The following CSMD3 variants were observed in gnomAD, a reference collection of about 807,000 sequenced individuals.
CSMD3 encodes CUB and Sushi multiple domains 3.
A neutral mutation model predicts 435.2 loss-of-function variants in CSMD3; 177 were observed. That is an observed-to-expected ratio of 0.41 (90% CI 0.36 to 0.46). The LOEUF (loss-of-function observed/expected upper bound fraction) is 0.46, where lower values mean the gene tolerates loss of function less well. Ranked by LOEUF, CSMD3 falls within the 20% of genes least tolerant of loss-of-function variation. The probability of loss-of-function intolerance (pLI) is 0.34; values close to 1 mark genes in which losing one functional copy is unlikely to be tolerated. For synonymous variants in CSMD3, 1,656 were observed against 1,520.5 expected (o/e 1.09, Z -2.07); for missense variants, 4,265 against 4,504.6 (o/e 0.95, Z 1.52).
At chr8:113,007,293 C>T (rs975778982) in intron 6 of CSMD3, among the ~76,000 whole-genome samples, 2 of 151,894 alleles carry the variant, frequency 1.3e-5, no homozygotes, top group African/African-American at 4.8e-5. Context: ...GAATATCTGA[C>T]TCTCAGTGCT....
intron 3 of CSMD3, among the ~76,000 whole-genome samples, chr8:113,269,708 G>A (rs1324116381): frequency 6.6e-6 from 1 of 151,950 alleles, no homozygotes; most frequent in Non-Finnish European, 1.5e-5. Flanking sequence ...AAGAAGAAAT[G>A]GGGAAAGGAT....
chr8:112,259,559 T>G (rs1484102390), intron 61 of CSMD3, among the ~76,000 whole-genome samples: 1 of 152,090 alleles, frequency 6.6e-6, no homozygotes, highest in Non-Finnish European at 1.5e-5. Flanking sequence ...CTGCACGTTC[T>G]TCACCTGTAC....
chr8:112,795,398 G>A (rs2078803996), intron 13 of CSMD3, among the ~76,000 whole-genome samples: 2 of 152,118 alleles, frequency 1.3e-5, no homozygotes, highest in Non-Finnish European at 2.9e-5. Flanking sequence ...AAAAATGTTT[G>A]ACTAGAAGTT....
chr8:112,310,198 A>G (rs888496688), intron 50 of CSMD3: 5 of 152,254 alleles, frequency 3.3e-5, no homozygotes, highest in African/African-American at 9.7e-5. Flanking sequence ...ACTATTTAAA[A>G]CAAGTCTTTT....
chr8:113,360,636 A>G (rs867296602), intron 1 of CSMD3, among the ~76,000 whole-genome samples: 6 of 137,818 alleles, frequency 4.4e-5, no homozygotes, highest in Non-Finnish European at 9.1e-5. Flanking sequence ...TGCAGTGGCG[A>G]GATCTCGGCT....
At position 112,336,876 on chromosome 8, in the gene CSMD3, AACTG is replaced by A. The variant is rs1296605868; in HGVS notation, c.6842-51_6842-48del. On this transcript the variant is annotated intron_variant, in intron 43 of 70. Coordinates refer to ENST00000297405, the MANE Select transcript of CSMD3 (RefSeq NM_198123.2). ...AAAATAATATTTTAAAATAACAATA[AACTG>A]ACTGTGGAGAAAAAGGCAAACATTT... 11 of 1,487,470 alleles carry A rather than the reference AACTG, an allele frequency of 7.4e-6. No homozygotes were observed. The African/African-American group carries it at 1.1e-4, about 15-fold the overall frequency. The allele number at this position is 1,487,470 out of a possible 1,614,324, so 92.1% of individuals were successfully genotyped here. A position where few individuals can be genotyped will look rare whatever the true frequency, so the allele number is the denominator to read the frequency against.
intron 1 of CSMD3, among the ~76,000 whole-genome samples, chr8:113,416,540 C>T (rs1268946998): frequency 6.6e-6 from 1 of 151,970 alleles, no homozygotes; most frequent in African/African-American, 2.4e-5. Flanking sequence ...AAATAATCAC[C>T]CACCTGTTAC....
At chr8:112,912,745 G>C (rs557551405) in intron 10 of CSMD3, among the ~76,000 whole-genome samples, 1 of 151,830 alleles carries the variant, frequency 6.6e-6, no homozygotes, top group African/African-American at 2.4e-5. Flanking sequence ...GCTTCTGCAC[G>C]GCAAAGGAAG....
At chr8:112,582,174 C>A (rs989267818) in intron 23 of CSMD3, among the ~76,000 whole-genome samples, 1 of 151,930 alleles carries the variant, frequency 6.6e-6, no homozygotes, top group Non-Finnish European at 1.5e-5. Context: ...CACGTGAGAT[C>A]TGCTGGATTA....
intron 10 of CSMD3, among the ~76,000 whole-genome samples, chr8:112,920,989 G>GTA (rs55953852): frequency 1.7e-5 from 1 of 57,858 alleles, no homozygotes; most frequent in Non-Finnish European, 3.2e-5. Flanking sequence ...ACACACATAC[G>GTA]CGCGCGCGCA....
At chr8:113,164,422 CAA>C (rs912471803) in intron 4 of CSMD3, among the ~76,000 whole-genome samples, 5 of 101,542 alleles carry the variant, frequency 4.9e-5, no homozygotes, top group Admixed American at 1.0e-4. Context: ...GGAATTAGTG[CAA>C]AAAAAAAAAG....
chr8:113,299,597 A>T (rs1213747221), intron 2 of CSMD3, among the ~76,000 whole-genome samples: 1 of 152,224 alleles, frequency 6.6e-6, no homozygotes, highest in Non-Finnish European at 1.5e-5. Context: ...CAAGCAGCCA[A>T]CAAACACATG....
chr8:112,896,129 T>C (rs575774611), intron 10 of CSMD3, among the ~76,000 whole-genome samples: 1 of 151,518 alleles, frequency 6.6e-6, no homozygotes, highest in South Asian at 2.1e-4. Context: ...CAAGGTGAAG[T>C]CATAAAAGGC....
chr8:112,249,378 C>G lies in CSMD3; in HGVS notation c.10111-2247G>C, dbSNP rs539930735. 3.3e-5 allele frequency among the ~76,000 whole-genome samples: 5 copies of G among 152,128 alleles called. No homozygotes were observed. The South Asian group carries it at 1.0e-3, about 31-fold the overall frequency. On this transcript the variant is annotated intron_variant, in intron 63 of 70. Coordinates refer to ENST00000297405, the MANE Select transcript of CSMD3 (RefSeq NM_198123.2). The stretch of plus-strand genomic sequence containing the variant: ...ATGAAAACAGTGATAGCTGAGTACC[C>G]CCCTCCAGAGTTTCGTACTCAGTGG...
At chr8:113,010,997 A>G (rs972914588) in intron 6 of CSMD3, among the ~76,000 whole-genome samples, 1 of 151,390 alleles carries the variant, frequency 6.6e-6, no homozygotes, top group African/African-American at 2.4e-5. Flanking sequence ...AAAGCTTATT[A>G]TTTTCTGATT....
intron 42 of CSMD3, among the ~76,000 whole-genome samples, chr8:112,339,169 G>T (rs1381246172): frequency 6.6e-6 from 1 of 152,032 alleles, no homozygotes; most frequent in Non-Finnish European, 1.5e-5. Context: ...CAACCAATCA[G>T]ACTGATTGCA....
intron 3 of CSMD3, among the ~76,000 whole-genome samples, chr8:113,203,723 CTTT>C (rs1441974660): frequency 6.6e-6 from 1 of 152,002 alleles, no homozygotes; most frequent in African/African-American, 2.4e-5. Flanking sequence ...CATTTTTTGA[CTTT>C]TTTATTCCAA....
chr8:113,013,276 C>T (rs1390691134), intron 6 of CSMD3, among the ~76,000 whole-genome samples: 2 of 151,976 alleles, frequency 1.3e-5, no homozygotes, highest in African/African-American at 2.4e-5. Context: ...AATATAAAGC[C>T]TAGTGTTTTA....
chr8:112,583,116 A>G (rs1157993874), intron 23 of CSMD3, among the ~76,000 whole-genome samples: 1 of 152,084 alleles, frequency 6.6e-6, no homozygotes, highest in African/African-American at 2.4e-5. Flanking sequence ...GGTAATTTAC[A>G]AAGGTGAGAA....
Sources: allele counts gnomAD v4.1 joint callset (sites outside exome capture counted in the v4.1 genomes callset), GRCh38; gene constraint gnomAD v4.1.1; transcripts MANE v1.5; gene names NCBI Gene and HGNC (gene_info 2026-07-23, HGNC 2026-07-21).